Variants in ATM observed in about 807,000 individuals in gnomAD.
ATM encodes serine-protein kinase ATM.
A neutral mutation model predicts 387.0 loss-of-function variants in ATM; 308 were observed. The ratio of observed to expected loss-of-function variants is 0.80; its 90% CI spans 0.73 to 0.87. The LOEUF is 0.87. Among genes scored for constraint, ATM ranks in the 40% least tolerant of loss-of-function variants. The pLI is 0.00. For synonymous variants in ATM, 1,156 were observed against 1,187.3 expected (o/e 0.97, Z 0.54); for missense variants, 3,312 against 3,560.9 (o/e 0.93, Z 1.78).
intron 1 of ATM, chr11:108,223,530 CT>C (rs1204027044): frequency 2.6e-5 from 4 of 152,234 alleles, no homozygotes; most frequent in African/African-American, 9.6e-5. Flanking sequence ...GATATTTCAA[CT>C]TCAGCCTCGC....
intron 51 of ATM, 51 bp from the exon 52 acceptor site, chr11:108,331,828 G>C (rs745704195): frequency 1.3e-6 from 2 of 1,575,406 alleles, no homozygotes; most frequent in Admixed American, 3.3e-5. Context: ...GAAAAATATG[G>C]ATTATATTTT....
intron 10 of ATM, 51 bp downstream of exon 10, chr11:108,251,123 C>G (rs2135330499): frequency 6.2e-7 from 1 of 1,608,438 alleles, no homozygotes; most frequent in Non-Finnish European, 8.5e-7. Context: ...CACACAGACA[C>G]ACACACACTC....
intron 31 of ATM, among the ~76,000 whole-genome samples, chr11:108,293,919 A>ATATG (rs1397910875): frequency 0.014 from 1,652 of 115,576 alleles, 11 homozygotes; most frequent in Admixed American, 0.031. Flanking sequence ...ATATATATAT[A>ATATG]TGTGTGTGTA....
At chr11:108,270,217 A>G (rs2081498080) in intron 18 of ATM, among the ~76,000 whole-genome samples, 1 of 152,218 alleles carries the variant, frequency 6.6e-6, no homozygotes, top group South Asian at 2.1e-4. Context: ...AAAGAGCCTT[A>G]CAAGATTGCC....
At chr11:108,357,250 G>A (rs540293929) in intron 61 of ATM, among the ~76,000 whole-genome samples, 2 of 152,308 alleles carry the variant, frequency 1.3e-5, no homozygotes, top group African/African-American at 4.8e-5. Flanking sequence ...CTTAAAAAAC[G>A]GCGCACCACG....
rs543567829 is a variant in ATM, at chr11:108,226,229, G to A, written c.-30-1366G>A. On this transcript the variant is annotated intron_variant, in intron 1 of 62. Transcript: ENST00000675843. ...TGCATGTTGCTGAGGCTTGGTGTACGAATGATCCTGTCACTCAGGTAGTGA... is the reference window on the plus strand; with the variant it reads ...TGCATGTTGCTGAGGCTTGGTGTACAAATGATCCTGTCACTCAGGTAGTGA... The A allele has an allele frequency of 1.1e-4, 17 of 152,092 alleles. No homozygotes were observed. The South Asian group carries it at 2.7e-3, about 24-fold the overall frequency. 9.4% of individuals were successfully genotyped at this position (152,092 alleles called of 1,614,324 possible). A position where few individuals can be genotyped will look rare whatever the true frequency, so the allele number is the denominator to read the frequency against.
intron 6 of ATM, 21 bp from the exon 7 acceptor site, chr11:108,244,767 A>T (rs2135236081): frequency 1.3e-6 from 2 of 1,570,792 alleles, no homozygotes; most frequent in Non-Finnish European, 1.8e-6. Flanking sequence ...TACCCAGTTG[A>T]GCTTGTTTGT....
At chr11:108,283,007 A>G (rs2082317232) in intron 25 of ATM, 128 bp downstream of exon 25, 3 of 608,876 alleles carry the variant, frequency 4.9e-6, no homozygotes, top group East Asian at 5.8e-5. Context: ...CCTACATAGT[A>G]TGAGAAGCAG....
chr11:108,246,741 T>TG (rs1010637160), intron 7 of ATM, among the ~76,000 whole-genome samples: 55 of 152,150 alleles, frequency 3.6e-4, no homozygotes, highest in African/African-American at 1.3e-3. Context: ...GGTCAGAATA[T>TG]GGAAGAAATT....
At chr11:108,223,467 C>T (rs2078588201) in intron 1 of ATM, 3 of 152,228 alleles carry the variant, frequency 2.0e-5, no homozygotes, top group Admixed American at 2.0e-4. Flanking sequence ...CTTGACTAGT[C>T]ATCTTTTGAT....
Position 108,347,470 on chromosome 11 carries a change from G to A in ATM, c.8671+105G>A, listed in dbSNP as rs1238723143. ...TACAAATATAAGAGACAGATAAATT[G>A]AAGCAGTAAATATTGGGTTTTTTTG... is the stretch of plus-strand genomic sequence containing the variant. On this transcript the variant is annotated intron_variant, in intron 59 of 62. Coordinates refer to ENST00000675843, the MANE Select transcript of ATM (RefSeq NM_000051.4). The A allele has an allele frequency of 1.5e-5, 14 of 944,320 alleles. No homozygotes were observed. The East Asian group carries it at 2.6e-4, about 17-fold the overall frequency. The allele number at this position is 944,320 out of a possible 1,614,324, so 58.5% of individuals were successfully genotyped here.
At chr11:108,270,046 G>T (rs990904568) in intron 18 of ATM, among the ~76,000 whole-genome samples, 1 of 152,022 alleles carries the variant, frequency 6.6e-6, no homozygotes, top group East Asian at 1.9e-4. Context: ...ATCTGAAAAG[G>T]ATTAAGAAAT....
At chr11:108,314,047 G>A (rs917009991) in intron 40 of ATM, among the ~76,000 whole-genome samples, 2 of 151,986 alleles carry the variant, frequency 1.3e-5, no homozygotes, top group Non-Finnish European at 1.5e-5. Flanking sequence ...AAAAATCCAC[G>A]ACCTTTATTC....
intron 50 of ATM, among the ~76,000 whole-genome samples, chr11:108,330,999 C>G (rs887162713): frequency 1.3e-5 from 2 of 152,126 alleles, no homozygotes; most frequent in African/African-American, 4.8e-5. Flanking sequence ...TAAAATGTTT[C>G]TCCTGCAGGA....
intron 56 of ATM, among the ~76,000 whole-genome samples, chr11:108,341,050 A>C (rs2087499214): frequency 6.6e-6 from 1 of 152,014 alleles, no homozygotes; most frequent in African/African-American, 2.4e-5. Context: ...TTATCCCTGA[A>C]TGACAATTCT....
rs778320952 is a variant in ATM at position 108,257,492 on chromosome 11, A to G, written c.2262A>G (p.Gln754=). The part of the protein sequence containing the change: ...ELFQKAKSLM[Q]CAGESITLFK... Reference sequence around the variant, plus strand: ...TCTATTCACAATAGTCTCTAATGCAATGTGCAGGAGAAAGTATCACTCTGT... The same window carrying G: ...TCTATTCACAATAGTCTCTAATGCAGTGTGCAGGAGAAAGTATCACTCTGT... The change falls in exon 15 of 63, where the codon CAA becomes CAG. Residue 754 remains glutamine (Q), a synonymous_variant. Transcript: ENST00000675843. 11 of 1,613,286 alleles carry G rather than the reference A, an allele frequency of 6.8e-6. No individual in the cohort carries two copies. The highest frequency in any genetic ancestry group is 1.1e-5 in the South Asian group (1 of 91,076).
intron 43 of ATM, 55 bp downstream of exon 43, chr11:108,317,576 C>CA: frequency 2.1e-6 from 3 of 1,456,342 alleles, no homozygotes; most frequent in Non-Finnish European, 2.8e-6. Context: ...TTCTAAACAA[C>CA]AACTGTTTTT....
rs200196781 is a variant in ATM, at chr11:108,284,474, G to A, written c.3993+1G>A. 7 of 1,613,758 alleles carry A rather than the reference G, an allele frequency of 4.3e-6. No homozygotes were observed. Among genetic ancestry groups the A allele is most frequent in the Non-Finnish European group, 5.9e-6 (7 of 1,179,814 alleles). The stretch of plus-strand genomic sequence containing the variant: ...AAGTGAAAACTTATTGGGAAAACAG[G>A]TATGGCTTCAATTTTTATGTACTTT... On this transcript the variant is annotated splice_donor_variant, in intron 26 of 62. Transcript: ENST00000675843. LOFTEE classifies it high-confidence loss of function.
chr11:108,271,242 T>C lies in ATM; in HGVS notation c.2922-9T>C, dbSNP rs2135551080. On this transcript the variant is annotated splice_polypyrimidine_tract_variant and intron_variant, in intron 19 of 62. Transcript: ENST00000675843. The stretch of plus-strand genomic sequence containing the variant: ...ATAAAGTTGAACTTTTTTTTTTTTT[T>C]TACCACAGCAATGTGTGTTCTTTGT... The C allele has an allele frequency of 1.2e-6, 2 of 1,613,680 alleles. No homozygotes were observed. The highest frequency in any genetic ancestry group is 1.7e-4 in the Middle Eastern group (1 of 6,058).
Sources: allele counts gnomAD v4.1 joint callset (sites outside exome capture counted in the v4.1 genomes callset), GRCh38; gene constraint gnomAD v4.1.1; transcripts MANE v1.5; gene names NCBI Gene and HGNC (gene_info 2026-07-23, HGNC 2026-07-21).